The following MACROD2 variants were observed in gnomAD, a reference collection of about 807,000 sequenced individuals.
MACROD2 encodes mono-ADP ribosylhydrolase 2, also known as ADP-ribose glycohydrolase MACROD2.
MACROD2 carries 36 observed loss-of-function variants against 70.4 expected under a neutral mutation model. The observed-to-expected ratio is 0.51, with a 90% CI of 0.39 to 0.68. MACROD2 has a LOEUF of 0.68. MACROD2 is among the 30% of genes least tolerant of loss of function. The pLI is 0.00. For missense variants in MACROD2, 496 were observed against 538.4 expected, an observed-to-expected ratio of 0.92 and a Z score of 0.78; for synonymous variants, 172 against 178.8, an observed-to-expected ratio of 0.96 and a Z score of 0.30.
At chr20:14,343,112 C>G (rs1481223877) in intron 3 of MACROD2, among the ~76,000 whole-genome samples, 2 of 151,996 alleles carry the variant, frequency 1.3e-5, no homozygotes, top group Non-Finnish European at 2.9e-5. Context: ...TTTCTTCCCT[C>G]TTCAGCACCT....
At chr20:15,963,673 A>G (rs567536317) in intron 12 of MACROD2, among the ~76,000 whole-genome samples, 18 of 152,324 alleles carry the variant, frequency 1.2e-4, no homozygotes, top group Admixed American at 3.9e-4. Flanking sequence ...ATCTTTCACC[A>G]CAGCTTAAAT....
chr20:14,994,370 T>C (rs2074931801), intron 5 of MACROD2, among the ~76,000 whole-genome samples: 2 of 151,954 alleles, frequency 1.3e-5, no homozygotes, highest in African/African-American at 4.8e-5. Context: ...GGAAAGAGTG[T>C]GTTAGGAAGG....
At chr20:14,537,730 C>T (rs1480581359) in intron 4 of MACROD2, among the ~76,000 whole-genome samples, 1 of 152,180 alleles carries the variant, frequency 6.6e-6, no homozygotes, top group East Asian at 1.9e-4. Context: ...AGCTCATCTA[C>T]TTGTCTCAAA....
intron 4 of MACROD2, among the ~76,000 whole-genome samples, chr20:14,501,582 G>A (rs188523941): frequency 5.9e-5 from 9 of 151,524 alleles, no homozygotes; most frequent in East Asian, 1.9e-4. Context: ...TAGAGTTTGC[G>A]TTTTTAAAAT....
At chr20:14,910,428 C>G (rs1380087475) in intron 5 of MACROD2, among the ~76,000 whole-genome samples, 1 of 152,112 alleles carries the variant, frequency 6.6e-6, no homozygotes, top group South Asian at 2.1e-4. Context: ...AAAGAACATA[C>G]TGAAACAATT....
In MACROD2 at chr20:14,203,049, G is replaced by GA. The variant is rs557929645; in HGVS notation, c.271+117333dup. ...GCAACAAGAGCAAAACTCCATCTTA[G>GA]AAAAAAAAAAAAGGCACTAACTCTA... On this transcript the variant is annotated intron_variant, in intron 3 of 17. Transcript: ENST00000684519. 3.7e-3 allele frequency among the ~76,000 whole-genome samples: 515 copies of GA among 138,174 alleles called. 1 individual carries two copies. Among genetic ancestry groups the GA allele is most frequent in the South Asian group, 8.0e-3 (35 of 4,350 alleles). 90.6% of individuals were successfully genotyped at this position (138,174 alleles called of 152,430 possible). A position where few individuals can be genotyped will look rare whatever the true frequency, so the allele number is the denominator to read the frequency against.
At chr20:15,934,711 T>A (rs960224416) in intron 11 of MACROD2, among the ~76,000 whole-genome samples, 2 of 151,968 alleles carry the variant, frequency 1.3e-5, no homozygotes, top group Non-Finnish European at 2.9e-5. Context: ...TTGTTTTGTT[T>A]TTTTGAGATG....
At chr20:14,714,358 C>T (rs11087103) in intron 5 of MACROD2, among the ~76,000 whole-genome samples, 37,637 of 151,932 alleles carry the variant, frequency 0.25, 5,205 homozygotes, top group South Asian at 0.45. Context: ...ACAGTAGCCC[C>T]CAACTCATCT....
intron 6 of MACROD2, among the ~76,000 whole-genome samples, chr20:15,312,405 A>G (rs2077762643): frequency 6.6e-6 from 1 of 152,214 alleles, no homozygotes; most frequent in Non-Finnish European, 1.5e-5. Flanking sequence ...CTTCAAAATA[A>G]CCCAGTGTTT....
At position 14,281,844 on chromosome 20, in the gene MACROD2, A is replaced by T. The variant is rs561085369; in HGVS notation, c.271+196116A>T. On this transcript the variant is annotated intron_variant, in intron 3 of 17. Coordinates refer to ENST00000684519, the MANE Select transcript of MACROD2 (RefSeq NM_001351661.2). ...CAGCTACTCAGGAGGCTGAGGCAGG[A>T]GAATTGCTTGAACCCAGGAGGCGGA... Among the ~76,000 whole-genome samples the T allele has an allele frequency of 1.1e-4, 16 of 150,250 alleles. 1 individual carries two copies. The South Asian group carries it at 1.9e-3, about 18-fold the overall frequency.
At chr20:14,681,861 A>G (rs1261576650) in intron 4 of MACROD2, among the ~76,000 whole-genome samples, 2 of 152,212 alleles carry the variant, frequency 1.3e-5, no homozygotes, top group African/African-American at 4.8e-5. Flanking sequence ...TGGTTGCAAT[A>G]TCAGATAAAT....
intron 8 of MACROD2, among the ~76,000 whole-genome samples, chr20:15,655,484 G>A (rs551608188): frequency 4.6e-5 from 7 of 152,208 alleles, no homozygotes; most frequent in Non-Finnish European, 7.4e-5. Context: ...GGTGTGGGGA[G>A]CAGAAATCCT....
intron 6 of MACROD2, among the ~76,000 whole-genome samples, chr20:15,413,183 G>T (rs148527341): frequency 1.3e-5 from 2 of 152,106 alleles, no homozygotes; most frequent in Non-Finnish European, 2.9e-5. Context: ...ACTGCAGAAG[G>T]CAAAATGTCA....
chr20:15,180,659 TG>T (rs1217555913), intron 5 of MACROD2, among the ~76,000 whole-genome samples: 1 of 152,232 alleles, frequency 6.6e-6, no homozygotes, highest in African/African-American at 2.4e-5. Context: ...AAGCTAGTTT[TG>T]TCCTTACATC....
At chr20:14,451,851 C>G (rs1405988254) in intron 3 of MACROD2, among the ~76,000 whole-genome samples, 1 of 152,164 alleles carries the variant, frequency 6.6e-6, no homozygotes, top group African/African-American at 2.4e-5. Context: ...ACAAAGGACA[C>G]TGACATTTCA....
At chr20:15,038,881 T>C (rs1224765634) in intron 5 of MACROD2, among the ~76,000 whole-genome samples, 2 of 152,206 alleles carry the variant, frequency 1.3e-5, no homozygotes, top group African/African-American at 2.4e-5. Context: ...TTATAATATA[T>C]GTGTGATTTA....
chr20:14,481,722 G>A (rs1331633075), intron 3 of MACROD2, among the ~76,000 whole-genome samples: 1 of 152,164 alleles, frequency 6.6e-6, no homozygotes, highest in Non-Finnish European at 1.5e-5. Context: ...AAGGACTCAA[G>A]CATTGGATTG....
chr20:14,559,893 T>C (rs560772620), intron 4 of MACROD2, among the ~76,000 whole-genome samples: 171 of 151,812 alleles, frequency 1.1e-3, no homozygotes, highest in Non-Finnish European at 1.2e-3. Flanking sequence ...ATTTCTCTTC[T>C]CTGTCTCTCC....
intron 8 of MACROD2, among the ~76,000 whole-genome samples, chr20:15,671,910 C>T (rs769358667): frequency 2.6e-5 from 4 of 152,122 alleles, no homozygotes; most frequent in South Asian, 2.1e-4. Flanking sequence ...TTTGTCCTGG[C>T]GTGCCTTATC....
Sources: gnomAD v4.1 joint callset for allele counts (sites outside exome capture counted in the v4.1 genomes callset) on GRCh38, gnomAD v4.1.1 for gene constraint, MANE v1.5 for transcripts, NCBI Gene and HGNC (gene_info 2026-07-23, HGNC 2026-07-21) for gene names.